Variants in EHD3 observed in about 807,000 individuals in gnomAD.
EHD3 encodes EH domain containing 3, also known as EH domain-containing protein 3.
A neutral mutation model predicts 43.0 loss-of-function variants in EHD3; 17 were observed. The ratio of observed to expected loss-of-function variants is 0.40; its 90% CI spans 0.27 to 0.59. The LOEUF is 0.59. Among genes scored for constraint, EHD3 ranks in the 20% least tolerant of loss-of-function variants. The pLI, the probability that EHD3 is intolerant of heterozygous loss-of-function variation, is 0.49. For missense variants in EHD3, 594 were observed against 705.6 expected, an observed-to-expected ratio of 0.84 and a Z score of 1.79; for synonymous variants, 313 against 289.5, an observed-to-expected ratio of 1.08 and a Z score of -0.82.
At chr2:31,261,058 G>C in intron 4 of EHD3, 136 bp downstream of exon 4, 1 of 1,005,636 alleles carries the variant, frequency 9.9e-7, no homozygotes, top group Admixed American at 2.9e-5. Flanking sequence ...CAGTGCGGGA[G>C]CCATGGTTAC....
intron 3 of EHD3, among the ~76,000 whole-genome samples, chr2:31,258,445 C>T (rs1572470979): frequency 6.6e-6 from 1 of 152,168 alleles, no homozygotes; most frequent in African/African-American, 2.4e-5. Context: ...TCCATTCATC[C>T]TCATCCCCCA....
At chr2:31,252,275 T>TCCTC (rs1683651941) in intron 3 of EHD3, among the ~76,000 whole-genome samples, 1 of 152,128 alleles carries the variant, frequency 6.6e-6, no homozygotes, top group Non-Finnish European at 1.5e-5. Flanking sequence ...TGAGCTACCT[T>TCCTC]CCTCCCTCCC....
chr2:31,236,541 CAG>C (rs748627160), intron 1 of EHD3, among the ~76,000 whole-genome samples: 33 of 152,332 alleles, frequency 2.2e-4, no homozygotes, highest in African/African-American at 7.2e-4. Flanking sequence ...GGGTTGCCTG[CAG>C]AGTTTCCTTT....
chr2:31,246,917 G>A (rs1448163964), intron 2 of EHD3, among the ~76,000 whole-genome samples: 1 of 147,798 alleles, frequency 6.8e-6, no homozygotes, highest in Non-Finnish European at 1.5e-5. Context: ...TTTTTTTTGA[G>A]ACGAGGTCTT....
In EHD3 at chr2:31,259,880, A is replaced by G. The variant is rs115700684; in HGVS notation, c.503-630A>G. Reference sequence around the variant, plus strand: ...GGATAGGGGAGCTGGTATGGAAATAATGACGTTAATAAGAGTTACTAGGCC... The same window carrying G: ...GGATAGGGGAGCTGGTATGGAAATAGTGACGTTAATAAGAGTTACTAGGCC... On this transcript the variant is annotated intron_variant, in intron 3 of 5. Coordinates refer to ENST00000322054, the MANE Select transcript of EHD3 (RefSeq NM_014600.3). Among the ~76,000 whole-genome samples the G allele has an allele frequency of 8.0e-3, 1,211 of 152,272 alleles. 21 individuals are homozygous for G. Among genetic ancestry groups the G allele is most frequent in the African/African-American group, 0.026 (1,076 of 41,544 alleles).
At chr2:31,257,382 C>T (rs3754840) in intron 3 of EHD3, among the ~76,000 whole-genome samples, 85,801 of 151,864 alleles carry the variant, frequency 0.56, 24,776 homozygotes, top group East Asian at 0.77. Flanking sequence ...GCAGGCTTCA[C>T]CTGAAGTGGG....
Position 31,266,873 on chromosome 2 carries a change from A to T in EHD3, c.*169A>T, listed in dbSNP as rs1683964426. ...ACCATGACGCCCATGTTTGCAGCTG[A>T]TACTTGTTTGGGCACACCTCCAAGT... is the stretch of plus-strand genomic sequence containing the variant. On this transcript the variant is annotated 3_prime_UTR_variant, in exon 6 of 6. Transcript: ENST00000322054. This position sits in a 1 kb window ranked among gnomAD's most constrained non-coding sequence, Gnocchi z 5.1. The T allele has an allele frequency of 3.4e-6, 3 of 876,944 alleles. No individual in the cohort carries two copies. The highest frequency in any genetic ancestry group is 5.0e-6 in the Non-Finnish European group (3 of 596,276). The allele number at this position is 876,944 out of a possible 1,614,324, so 54.3% of individuals were successfully genotyped here.
At chr2:31,237,979 TTG>T (rs1166561300) in intron 1 of EHD3, among the ~76,000 whole-genome samples, 5 of 152,098 alleles carry the variant, frequency 3.3e-5, no homozygotes, top group Non-Finnish European at 5.9e-5. Flanking sequence ...TTTTCCTATA[TTG>T]TGTGTGTGTG....
intron 3 of EHD3, among the ~76,000 whole-genome samples, chr2:31,255,870 A>G (rs182542576): frequency 3.9e-4 from 59 of 152,334 alleles, no homozygotes; most frequent in African/African-American, 1.3e-3. Flanking sequence ...AGGCAGAGGC[A>G]GACTTCACAC....
rs975888686 is a variant in EHD3 at position 31,266,811 on chromosome 2, T to C, written c.*107T>C. 55 of 1,318,816 alleles carry C rather than the reference T, an allele frequency of 4.2e-5. No homozygotes were observed. Among genetic ancestry groups the C allele is most frequent in the Non-Finnish European group, 5.5e-5 (54 of 980,684 alleles). The allele number at this position is 1,318,816 out of a possible 1,614,324, so 81.7% of individuals were successfully genotyped here. A position where few individuals can be genotyped will look rare whatever the true frequency, so the allele number is the denominator to read the frequency against. On this transcript the variant is annotated 3_prime_UTR_variant, in exon 6 of 6. Transcript: ENST00000322054. This position sits in a 1 kb window ranked among gnomAD's most constrained non-coding sequence, Gnocchi z 5.1. ...ACACACACAAACATGCACACACACA[T>C]ATGCATATCTTGACATTGCTCTGTA... is the stretch of plus-strand genomic sequence containing the variant.
chr2:31,234,706 T>C lies in EHD3; in HGVS notation c.85T>C (p.Tyr29His), dbSNP rs144314913. The C allele has an allele frequency of 1.2e-6, 2 of 1,614,080 alleles. No homozygotes were observed. Among genetic ancestry groups the C allele is most frequent in the African/African-American group, 1.3e-5 (1 of 74,938 alleles). The change falls in exon 1 of 6, where the codon TAC (tyrosine) becomes CAC (histidine). Residue 29 changes from tyrosine (Y) to histidine (H), a missense_variant. By Grantham distance (83) the Tyr-to-His change is moderately conservative. This residue lies in a region of EHD3 where 243 missense variants were observed against 296.7 expected (regional missense o/e 0.82). Coordinates refer to ENST00000322054, the MANE Select transcript of EHD3 (RefSeq NM_014600.3). ...QTVSEGLKKL[Y>H]KSKLLPLEEH... ...GGTGAGTGAGGGGCTCAAGAAACTC[T>C]ACAAGAGCAAGCTGCTGCCCTTGGA... is the stretch of plus-strand genomic sequence containing the variant.
rs899194197 is a variant in EHD3, at chr2:31,268,705, C to G, written c.*2001C>G. 1 of 152,246 alleles carries G rather than the reference C, an allele frequency of 6.6e-6. No individual in the cohort carries two copies. The highest frequency in any genetic ancestry group is 2.4e-5 in the African/African-American group (1 of 41,462). The allele number at this position is 152,246 out of a possible 1,614,324, so 9.4% of individuals were successfully genotyped here. A position where few individuals can be genotyped will look rare whatever the true frequency, so the allele number is the denominator to read the frequency against. ...GCAGACAAAGGCCAGGCAAAGAGGT[C>G]TCACCTGCTCTGGAGAAAACCCTTG... On this transcript the variant is annotated 3_prime_UTR_variant, in exon 6 of 6. Coordinates refer to ENST00000322054, the MANE Select transcript of EHD3 (RefSeq NM_014600.3).
In EHD3 at chr2:31,250,948, C is replaced by T. The variant is rs373021481; in HGVS notation, c.502+1480C>T. On this transcript the variant is annotated intron_variant, in intron 3 of 5. Transcript: ENST00000322054. ...GCTCTGGCTGGGACACAGATCTGCC[C>T]TGCCCATGTCTGTGCCACAATAGTG... is the stretch of plus-strand genomic sequence containing the variant. Among the ~76,000 whole-genome samples, 18 of 152,344 alleles carry T rather than the reference C, an allele frequency of 1.2e-4. No individual in the cohort carries two copies. In the East Asian group the frequency reaches 1.7e-3, roughly 15 times the overall value.
chr2:31,266,090 A>G lies in EHD3; in HGVS notation c.1081-87A>G. On this transcript the variant is annotated intron_variant, in intron 5 of 5. Transcript: ENST00000322054. The surrounding 1 kb of genome is among the most constrained non-coding windows in gnomAD (Gnocchi z 5.1). ...TTGTAGAAAGGGATCAGCTGTGAAC[A>G]TTCTGGTGCTCATAGGAGGCACGTG... 3.4e-6 allele frequency: 5 copies of G among 1,481,620 alleles called. No individual in the cohort carries two copies. Among genetic ancestry groups the G allele is most frequent in the Non-Finnish European group, 4.5e-6 (5 of 1,101,956 alleles). The allele number at this position is 1,481,620 out of a possible 1,614,324, so 91.8% of individuals were successfully genotyped here.
rs202132482 is a variant in EHD3 at position 31,261,588 on chromosome 2, C to T, written c.955C>T (p.Pro319Ser). ...YIISSLKKEM[P>S]SVFGKDNKKK... Reference sequence around the variant, plus strand: ...CATCAGCTCTCTGAAGAAGGAGATGCCCTCGGTGTTCGGGAAGGACAACAA... The same window carrying T: ...CATCAGCTCTCTGAAGAAGGAGATGTCCTCGGTGTTCGGGAAGGACAACAA... The change falls in exon 5 of 6, where the codon CCC becomes TCC. Residue 319 changes from proline (P) to serine (S), a missense_variant. Physicochemically the swap from Pro to Ser is moderately conservative, Grantham distance 74 (BLOSUM62 -1). This residue lies in a region of EHD3 where 322 missense variants were observed against 348.0 expected (regional missense o/e 0.93). Transcript: ENST00000322054. 120 of 1,614,070 alleles carry T rather than the reference C, an allele frequency of 7.4e-5. No individual in the cohort carries two copies. The highest frequency in any genetic ancestry group is 9.3e-5 in the Non-Finnish European group (110 of 1,180,048).
At chr2:31,257,485 C>T (rs597141) in intron 3 of EHD3, among the ~76,000 whole-genome samples, 115,497 of 151,968 alleles carry the variant, frequency 0.76, 44,566 homozygotes, top group East Asian at 0.94. Context: ...AGGTGCAGAA[C>T]GGCTGGATGG....
intron 1 of EHD3, among the ~76,000 whole-genome samples, chr2:31,241,358 C>G (rs928966553): frequency 6.6e-6 from 1 of 152,172 alleles, no homozygotes; most frequent in Non-Finnish European, 1.5e-5. Context: ...AGCGTGAACT[C>G]AAATCCAAGG....
At position 31,261,704 on chromosome 2, in the gene EHD3, G is replaced by A. The variant is rs776606287; in HGVS notation, c.1071G>A (p.Lys357=). 4.3e-6 allele frequency: 7 copies of A among 1,614,194 alleles called. No individual in the cohort carries two copies. The East Asian group carries it at 1.6e-4, about 36-fold the overall frequency. The change falls in exon 5 of 6, where the codon AAG becomes AAA. Residue 357 remains lysine, a synonymous_variant. Transcript: ENST00000322054. ...QISPGDFPNL[K]RMQDQLQAQD... Reference sequence around the variant, plus strand: ...CACCTGGGGACTTCCCCAATCTGAAGAGGATGCAGGTAGCGAGGGCTGGGG... The same window carrying A: ...CACCTGGGGACTTCCCCAATCTGAAAAGGATGCAGGTAGCGAGGGCTGGGG...
At chr2:31,254,682 T>C (rs1283958666) in intron 3 of EHD3, among the ~76,000 whole-genome samples, 2 of 152,198 alleles carry the variant, frequency 1.3e-5, no homozygotes, top group East Asian at 3.9e-4. Flanking sequence ...GTGCCTGGTT[T>C]GAGGGCTCAG....
Sources: gnomAD v4.1 joint callset for allele counts (sites outside exome capture counted in the v4.1 genomes callset) on GRCh38, gnomAD v4.1.1 for gene constraint, gnomAD v4.1.1 regional missense constraint, Gnocchi (gnomAD v3.1) non-coding constraint, MANE v1.5 for transcripts, NCBI Gene and HGNC (gene_info 2026-07-23, HGNC 2026-07-21) for gene names.